Variants in CACNB2 observed in about 807,000 individuals in gnomAD.
The protein encoded by CACNB2 is calcium voltage-gated channel auxiliary subunit beta 2.
In CACNB2, 42 loss-of-function variants were observed where a neutral mutation model predicts 73.3. That is an observed-to-expected ratio of 0.57 (90% confidence interval 0.45 to 0.74). The LOEUF is 0.74. Among genes scored for constraint, CACNB2 ranks in the 30% least tolerant of loss-of-function variants. The probability of loss-of-function intolerance (pLI) is 0.00; values close to 1 mark genes in which losing one functional copy is unlikely to be tolerated. For missense variants in CACNB2, 940 were observed against 853.0 expected (o/e 1.10, Z -1.27); for synonymous variants, 348 against 310.3 (o/e 1.12, Z -1.28).
At chr10:18,505,846 A>G (rs2050460741) in intron 5 of CACNB2, among the ~76,000 whole-genome samples, 1 of 152,214 alleles carries the variant, frequency 6.6e-6, no homozygotes, top group Admixed American at 6.5e-5. Flanking sequence ...AATTATTCCT[A>G]AATTAACCAC....
intron 6 of CACNB2, 81 bp downstream of exon 6, chr10:18,506,628 A>G: frequency 3.5e-6 from 3 of 863,740 alleles, no homozygotes; most frequent in South Asian, 1.4e-5. Flanking sequence ...GAATTTACGT[A>G]TACACTGAAT....
intron 3 of CACNB2, among the ~76,000 whole-genome samples, chr10:18,436,336 A>G (rs1319603129): frequency 6.6e-6 from 1 of 152,244 alleles, no homozygotes; most frequent in Non-Finnish European, 1.5e-5. Context: ...AAATTTTGGC[A>G]AGAAAGTATA....
intron 2 of CACNB2, among the ~76,000 whole-genome samples, chr10:18,380,053 A>G (rs1439868329): frequency 6.6e-6 from 1 of 152,222 alleles, no homozygotes; most frequent in East Asian, 1.9e-4. Flanking sequence ...GGAATTATAC[A>G]GTAGGTTCCC....
intron 2 of CACNB2, among the ~76,000 whole-genome samples, chr10:18,333,504 T>C (rs1016286361): frequency 3.9e-5 from 6 of 152,212 alleles, no homozygotes; most frequent in Middle Eastern, 3.2e-3. Flanking sequence ...TTCTATTATG[T>C]CTGTGACTAT....
At chr10:18,356,016 GA>G (rs1446830884) in intron 2 of CACNB2, among the ~76,000 whole-genome samples, 1 of 152,258 alleles carries the variant, frequency 6.6e-6, no homozygotes, top group African/African-American at 2.4e-5. Flanking sequence ...CAACTTTCTG[GA>G]AGGTTTCTGT....
At chr10:18,161,358 A>G (rs187744070) in intron 2 of CACNB2, among the ~76,000 whole-genome samples, 6 of 152,284 alleles carry the variant, frequency 3.9e-5, no homozygotes, top group African/African-American at 1.4e-4. Flanking sequence ...TGCATAGAGT[A>G]TGGGGATCGT....
chr10:18,503,807 T>A (rs367668649), intron 5 of CACNB2, among the ~76,000 whole-genome samples: 1 of 152,304 alleles, frequency 6.6e-6, no homozygotes, highest in Non-Finnish European at 1.5e-5. Context: ...TTAAGGATAG[T>A]TCTAGGTAAT....
chr10:18,164,763 G>C (rs1049334250), intron 2 of CACNB2, among the ~76,000 whole-genome samples: 1 of 151,992 alleles, frequency 6.6e-6, no homozygotes, highest in Non-Finnish European at 1.5e-5. Flanking sequence ...TCTGGATTTA[G>C]GACTTGGAGG....
chr10:18,156,243 A>G (rs1029015452), intron 2 of CACNB2, among the ~76,000 whole-genome samples: 1 of 152,224 alleles, frequency 6.6e-6, no homozygotes, highest in Non-Finnish European at 1.5e-5. Context: ...TCTTCTTGAT[A>G]TGTTTCTGTG....
intron 2 of CACNB2, among the ~76,000 whole-genome samples, chr10:18,253,972 T>C (rs2037182963): frequency 6.6e-6 from 1 of 152,150 alleles, no homozygotes; most frequent in South Asian, 2.1e-4. Context: ...ACTAAGCAAA[T>C]TTACATCATA....
At chr10:18,263,815 C>T (rs1339076460) in intron 2 of CACNB2, among the ~76,000 whole-genome samples, 2 of 152,182 alleles carry the variant, frequency 1.3e-5, no homozygotes, top group East Asian at 1.9e-4. Flanking sequence ...GCAGTGGGCT[C>T]ACAGAAGTAG....
At chr10:18,522,672 GT>G (rs1691016863) in intron 9 of CACNB2, among the ~76,000 whole-genome samples, 1 of 152,004 alleles carries the variant, frequency 6.6e-6, no homozygotes, top group Non-Finnish European at 1.5e-5. Context: ...GAGGTCAAGT[GT>G]TCGAGACCGG....
intron 6 of CACNB2, chr10:18,513,536 T>C (rs1011590012): frequency 2.5e-6 from 1 of 399,222 alleles, no homozygotes. Context: ...TGTACGTTCA[T>C]TAGCAGTTCC....
intron 2 of CACNB2, among the ~76,000 whole-genome samples, chr10:18,392,719 A>G (rs1274163978): frequency 6.6e-6 from 1 of 152,152 alleles, no homozygotes; most frequent in Non-Finnish European, 1.5e-5. Context: ...TGTAACCAGC[A>G]TGAATTTCTA....
At chr10:18,526,587 A>G (rs1226645718) in intron 9 of CACNB2, among the ~76,000 whole-genome samples, 3 of 152,156 alleles carry the variant, frequency 2.0e-5, no homozygotes, top group Non-Finnish European at 4.4e-5. Flanking sequence ...GCTTTTTCCT[A>G]CTGCTGACTT....
intron 3 of CACNB2, among the ~76,000 whole-genome samples, chr10:18,472,221 CTTTTTTTTTT>C (rs200348808): frequency 2.7e-4 from 32 of 119,400 alleles, no homozygotes; most frequent in African/African-American, 9.0e-4. Flanking sequence ...CACTTTTCTT[CTTTTTTTTTT>C]TTTTTTTTTT....
chr10:18,409,488 C>T (rs533042019), intron 3 of CACNB2, among the ~76,000 whole-genome samples: 2 of 152,150 alleles, frequency 1.3e-5, no homozygotes, highest in South Asian at 2.1e-4. Context: ...CCAACAAGTT[C>T]AGCTTATCAC....
intron 2 of CACNB2, among the ~76,000 whole-genome samples, chr10:18,281,979 CAAAAAAAAA>C (rs10542258): frequency 1.4e-5 from 1 of 69,990 alleles, no homozygotes. Context: ...GACTCCATCT[CAAAAAAAAA>C]AAAAAAAAAA....
At chr10:18,152,243 A>G (rs1486030407) in intron 2 of CACNB2, among the ~76,000 whole-genome samples, 1 of 152,154 alleles carries the variant, frequency 6.6e-6, no homozygotes, top group Non-Finnish European at 1.5e-5. Flanking sequence ...ACATTTGAGT[A>G]TGCCAGTGGT....
Sources: gnomAD v4.1 joint callset for allele counts (sites outside exome capture counted in the v4.1 genomes callset) on GRCh38, gnomAD v4.1.1 for gene constraint, MANE v1.5 for transcripts, NCBI Gene and HGNC (gene_info 2026-07-23, HGNC 2026-07-21) for gene names.